Variants in TMEM235 observed in about 807,000 individuals in gnomAD.
The protein encoded by TMEM235 is transmembrane protein 235, also known as claudin-27.
Under a neutral mutation model 22.9 loss-of-function variants are expected in TMEM235, and 23 were observed. The ratio of observed to expected loss-of-function variants is 1.00; its 90% CI spans 0.72 to 1.42. The LOEUF (loss-of-function observed/expected upper bound fraction) is 1.42, where lower values mean the gene tolerates loss of function less well. Among genes scored for constraint, TMEM235 ranks in the 40% most tolerant of loss-of-function variants. The pLI, the probability that TMEM235 is intolerant of heterozygous loss-of-function variation, is 0.00. For synonymous variants in TMEM235, 137 were observed against 140.5 expected, an observed-to-expected ratio of 0.98 and a Z score of 0.17; for missense variants, 308 against 299.5, an observed-to-expected ratio of 1.03 and a Z score of -0.21.
At chr17:78,234,675 C>T (rs1210583630) in exon 4 of TMEM235, 3 of 1,536,068 alleles carry the variant, frequency 2.0e-6, no homozygotes, top group Non-Finnish European at 2.6e-6. Context: ...TGCTCAGCTC[C>T]CTGGCCCAGA....
At chr17:78,233,630 G>A (rs2076608499) in intron 2 of TMEM235, among the ~76,000 whole-genome samples, 5 of 151,866 alleles carry the variant, frequency 3.3e-5, no homozygotes, top group Admixed American at 3.3e-4. Flanking sequence ...GGGAGGCGGA[G>A]CTTGCAGTGA....
In TMEM235 at chr17:78,237,066, G is replaced by GGC. The variant is rs140720062; in HGVS notation, c.410-1957_410-1956dup. 0.012 allele frequency among the ~76,000 whole-genome samples: 1,811 copies of GGC among 152,312 alleles called. 35 individuals are homozygous for GGC. Among genetic ancestry groups the GGC allele is most frequent in the African/African-American group, 0.041 (1,708 of 41,564 alleles). Reference sequence around the variant, plus strand: ...CCTCTGCATTGTGCCTGGGAGCGAAGGCACCGGCTAGGGGGTGGAGGGGCC... The same window carrying GGC: ...CCTCTGCATTGTGCCTGGGAGCGAAGGCGCACCGGCTAGGGGGTGGAGGGGCC... On this transcript the variant is annotated intron_variant, in intron 4 of 5. Transcript: ENST00000421688. The surrounding 1 kb of genome is among the most constrained non-coding windows in gnomAD (Gnocchi z 4.7).
chr17:78,237,340 TG>T lies in TMEM235; in HGVS notation c.410-1679del, dbSNP rs1199171986. ...CCCTGAGACAGGATCTTGGGGGGCC[TG>T]GGGGACCGACAGGGCCCACGGTGAC... On this transcript the variant is annotated intron_variant, in intron 4 of 5. Transcript: ENST00000421688. This position sits in a 1 kb window ranked among gnomAD's most constrained non-coding sequence, Gnocchi z 4.7. Among the ~76,000 whole-genome samples, 3 of 152,066 alleles carry T rather than the reference TG, an allele frequency of 2.0e-5. No homozygotes were observed. Among genetic ancestry groups the T allele is most frequent in the Non-Finnish European group, 2.9e-5 (2 of 67,990 alleles).
chr17:78,234,113 T>G lies in TMEM235; in HGVS notation c.271+138T>G, dbSNP rs2076615767. The G allele has an allele frequency of 6.2e-6, 5 of 800,080 alleles. No individual in the cohort carries two copies. The East Asian group carries it at 1.1e-4, about 17-fold the overall frequency. 49.6% of individuals were successfully genotyped at this position (800,080 alleles called of 1,614,324 possible). A position where few individuals can be genotyped will look rare whatever the true frequency, so the allele number is the denominator to read the frequency against. ...AAGAGGACGTTTCCACGCAGACCTG[T>G]CCCAGTGCTGTGCTGCTGTCCCTAA... On this transcript the variant is annotated intron_variant, in intron 3 of 5. Coordinates refer to ENST00000421688, the Ensembl canonical transcript of TMEM235.
At chr17:78,232,012 C>T in exon 2 of TMEM235, 1 of 1,269,058 alleles carries the variant, frequency 7.9e-7, no homozygotes, top group Non-Finnish European at 9.9e-7. Context: ...TCCCCTCCCG[C>T]CGGCCGCCCC....
exon 4 of TMEM235, chr17:78,234,638 T>C: frequency 1.3e-6 from 2 of 1,536,228 alleles, no homozygotes; most frequent in Non-Finnish European, 1.7e-6. Context: ...AGCCTGGTCC[T>C]TCTCGTGTGT....
intron 4 of TMEM235, 58 bp downstream of exon 3, chr17:78,234,788 G>C (rs984218613): frequency 6.5e-7 from 1 of 1,529,968 alleles, no homozygotes; most frequent in South Asian, 1.2e-5. Context: ...CACAGGTCCC[G>C]GGAGTGGGGT....
chr17:78,233,695 C>CA (rs779888336), intron 2 of TMEM235, among the ~76,000 whole-genome samples, 200 bp from the exon 2 acceptor site: 15,555 of 129,034 alleles, frequency 0.12, 1,107 homozygotes, highest in African/African-American at 0.22. Flanking sequence ...GACTCCATCT[C>CA]AAAAAAAAAA....
At chr17:78,235,679 C>A (rs1426832485) in intron 4 of TMEM235, among the ~76,000 whole-genome samples, 1 of 149,378 alleles carries the variant, frequency 6.7e-6, no homozygotes, top group Non-Finnish European at 1.5e-5. Context: ...TCGCTCACTG[C>A]AAGCTCTGCC....
chr17:78,240,814 C>T lies in TMEM235; in HGVS notation c.*1022C>T, dbSNP rs182459585. On this transcript the variant is annotated 3_prime_UTR_variant, in exon 6 of 6. Coordinates refer to ENST00000421688, the Ensembl canonical transcript of TMEM235. ...TGGGGGGTGAGCAGGGCCTCCTCTT[C>T]CTCCTGGTGTTTGAACGTTTACCAT... 327 of 152,396 alleles carry T rather than the reference C, an allele frequency of 2.1e-3. 2 individuals are homozygous for T. The highest frequency in any genetic ancestry group is 2.5e-3 in the Non-Finnish European group (168 of 68,110). The allele number at this position is 152,396 out of a possible 1,614,324, so 9.4% of individuals were successfully genotyped here.
exon 6 of TMEM235, chr17:78,239,917 G>C (rs1181879455): frequency 1.3e-6 from 2 of 1,550,992 alleles, no homozygotes; most frequent in Non-Finnish European, 1.7e-6. Flanking sequence ...TGGAGAAGAG[G>C]CTGATGAGAG....
intron 2 of TMEM235, 86 bp downstream of exon 1, chr17:78,232,299 G>T (rs1567872285): frequency 1.6e-6 from 2 of 1,271,966 alleles, no homozygotes; most frequent in Non-Finnish European, 2.0e-6. Flanking sequence ...GTGTTGCCCC[G>T]CCAGACCCCC....
In TMEM235 at chr17:78,237,771, A is replaced by C. The variant is rs959391395; in HGVS notation, c.410-1253A>C. Among the ~76,000 whole-genome samples, 20 of 152,108 alleles carry C rather than the reference A, an allele frequency of 1.3e-4. No individual in the cohort carries two copies. The highest frequency in any genetic ancestry group is 4.4e-5 in the Non-Finnish European group (3 of 68,002). On this transcript the variant is annotated intron_variant, in intron 4 of 5. Transcript: ENST00000421688. This position sits in a 1 kb window ranked among gnomAD's most constrained non-coding sequence, Gnocchi z 4.7. The stretch of plus-strand genomic sequence containing the variant: ...TGGCTTCACATTCTTCCCCAAAATA[A>C]ATCCATAATTTCTGTTGCTACGCTG...
exon 2 of TMEM235, chr17:78,232,188 C>T: frequency 6.7e-7 from 1 of 1,489,790 alleles, no homozygotes; most frequent in Non-Finnish European, 8.9e-7. Context: ...TCTCCTCGCA[C>T]TCGGGGCTCT....
rs564029149 is a variant in TMEM235 at position 78,233,650 on chromosome 17, G to T, written c.191-245G>T. ...GCGGAGCTTGCAGTGAACCGAGATC[G>T]CGCCACTGCACTCCAGCCTGGGGTG... On this transcript the variant is annotated intron_variant, in intron 2 of 5. Transcript: ENST00000421688. 6.6e-5 allele frequency among the ~76,000 whole-genome samples: 10 copies of T among 150,838 alleles called. No homozygotes were observed. In the South Asian group the frequency reaches 1.7e-3, roughly 25 times the overall value.
intron 2 of TMEM235, 114 bp downstream of exon 1, chr17:78,232,327 T>G: frequency 9.7e-7 from 1 of 1,025,912 alleles, no homozygotes; most frequent in Non-Finnish European, 1.3e-6. Flanking sequence ...ACCCCTCTCT[T>G]GCATCCCGCT....
chr17:78,239,816 A>C (rs1433315197), exon 6 of TMEM235: 1 of 1,550,920 alleles, frequency 6.4e-7, no homozygotes, highest in Non-Finnish European at 8.7e-7. Context: ...AGAGGGACCC[A>C]CCCAGATCGC....
chr17:78,234,862 A>T lies in TMEM235; in HGVS notation c.409+132A>T. On this transcript the variant is annotated intron_variant, in intron 4 of 5. Transcript: ENST00000421688. ...GGGCGGGTGCTGAGTCTGGCGATGG[A>T]GCCGTGGCAGGCAGCTCCCTGTGGT... is the stretch of plus-strand genomic sequence containing the variant. 4 of 1,202,946 alleles carry T rather than the reference A, an allele frequency of 3.3e-6. No individual in the cohort carries two copies. In the South Asian group the frequency reaches 6.0e-5, roughly 18 times the overall value. 74.5% of individuals were successfully genotyped at this position (1,202,946 alleles called of 1,614,324 possible). A position where few individuals can be genotyped will look rare whatever the true frequency, so the allele number is the denominator to read the frequency against.
chr17:78,235,599 GTTT>G (rs71160277), intron 4 of TMEM235, among the ~76,000 whole-genome samples: 7 of 118,802 alleles, frequency 5.9e-5, no homozygotes, highest in Admixed American at 4.5e-4. Context: ...GTGCTACATA[GTTT>G]TTTTTTTTTT....
Sources: allele counts gnomAD v4.1 joint callset (sites outside exome capture counted in the v4.1 genomes callset), GRCh38; gene constraint gnomAD v4.1.1; non-coding constraint Gnocchi (gnomAD v3.1); transcripts MANE v1.5; gene names NCBI Gene and HGNC (gene_info 2026-07-23, HGNC 2026-07-21).